ILDR1: variants seen among roughly 807,000 people sequenced by gnomAD.
ILDR1 encodes the protein immunoglobulin-like domain-containing receptor 1.
In ILDR1, 56 loss-of-function variants were observed where a neutral mutation model predicts 62.4. The ratio of observed to expected loss-of-function variants is 0.90; its 90% CI spans 0.72 to 1.12. ILDR1 has a LOEUF of 1.12. ILDR1 is among the 50% of genes most tolerant of loss of function. The probability of loss-of-function intolerance (pLI) is 0.00; values close to 1 mark genes in which losing one functional copy is unlikely to be tolerated. For synonymous variants in ILDR1, 284 were observed against 277.8 expected (o/e 1.02, Z -0.22); for missense variants, 736 against 710.6 (o/e 1.04, Z -0.41).
At chr3:122,018,341 TGAG>T (rs2071805954) in intron 1 of ILDR1, among the ~76,000 whole-genome samples, 1 of 127,154 alleles carries the variant, frequency 7.9e-6, no homozygotes, top group Non-Finnish European at 1.5e-5. Flanking sequence ...AGTTGAATAA[TGAG>T]AACACATGGA....
At chr3:122,002,593 T>TTA (rs768824584) in intron 3 of ILDR1, among the ~76,000 whole-genome samples, 7 of 152,248 alleles carry the variant, frequency 4.6e-5, no homozygotes, top group Non-Finnish European at 8.8e-5. Flanking sequence ...GATGAATGGT[T>TTA]TATATATATA....
chr3:122,035,554 C>T, the ILDR1 span, among the ~76,000 whole-genome samples: 1 of 152,150 alleles, frequency 6.6e-6, no homozygotes, highest in African/African-American at 2.4e-5. Flanking sequence ...CAGATTTCCT[C>T]CTTGCTATTC....
At chr3:122,038,693 A>T in the ILDR1 span, among the ~76,000 whole-genome samples, 1 of 152,360 alleles carries the variant, frequency 6.6e-6, no homozygotes, top group South Asian at 2.1e-4. Context: ...ATTAACTGAC[A>T]TGGAATTTAA....
the ILDR1 span, among the ~76,000 whole-genome samples, chr3:122,055,682 C>A: frequency 4.6e-5 from 7 of 152,160 alleles, no homozygotes; most frequent in Non-Finnish European, 1.0e-4. Flanking sequence ...ATGCCCAAAG[C>A]AGTTCATTGG....
intron 1 of ILDR1, 50 bp downstream of exon 1, chr3:122,021,970 G>A: frequency 1.3e-6 from 2 of 1,552,128 alleles, no homozygotes; most frequent in Non-Finnish European, 1.8e-6. Context: ...CGCCACAATG[G>A]CTTCCTGTCT....
At chr3:122,041,431 A>T in the ILDR1 span, among the ~76,000 whole-genome samples, 6 of 152,202 alleles carry the variant, frequency 3.9e-5, no homozygotes, top group Admixed American at 3.9e-4. Context: ...AAAGATGCTG[A>T]CAACTTGTTA....
the ILDR1 span, among the ~76,000 whole-genome samples, chr3:122,030,619 G>GTTTTTT: frequency 1.5e-5 from 2 of 131,990 alleles, no homozygotes; most frequent in Admixed American, 7.3e-5. Flanking sequence ...AGAGGCAAGG[G>GTTTTTT]TTTTTCTCTC....
chr3:122,031,880 C>G, the ILDR1 span, among the ~76,000 whole-genome samples: 1 of 152,212 alleles, frequency 6.6e-6, no homozygotes, highest in Non-Finnish European at 1.5e-5. Flanking sequence ...ACATTACACA[C>G]TGGCTACTTT....
the ILDR1 span, among the ~76,000 whole-genome samples, chr3:122,048,147 T>C: frequency 1.3e-5 from 2 of 152,228 alleles, no homozygotes; most frequent in African/African-American, 4.8e-5. Context: ...TCCTAGTTTG[T>C]TGAGGGTTTT....
the ILDR1 span, among the ~76,000 whole-genome samples, chr3:122,041,894 C>T: frequency 6.1e-5 from 9 of 148,272 alleles, no homozygotes; most frequent in Admixed American, 2.0e-4. Context: ...AATTTGAATG[C>T]CCTTTATTTC....
intron 7 of ILDR1, among the ~76,000 whole-genome samples, chr3:121,990,880 G>C (rs769261227): frequency 6.6e-6 from 1 of 152,176 alleles, no homozygotes. Flanking sequence ...CCTCTCAGAG[G>C]CTCCCATAGT....
At chr3:122,049,519 A>C in the ILDR1 span, among the ~76,000 whole-genome samples, 173 of 152,276 alleles carry the variant, frequency 1.1e-3, no homozygotes, top group African/African-American at 4.0e-3. Flanking sequence ...TTCTCCCTTC[A>C]GTTCTGCCAA....
chr3:122,005,485 A>C, intron 2 of ILDR1, 92 bp from the exon 3 acceptor site: 1 of 1,384,782 alleles, frequency 7.2e-7, no homozygotes. Flanking sequence ...AGACACAGTG[A>C]AGTGTCTCAA....
At chr3:122,015,562 A>G (rs1321153353) in intron 1 of ILDR1, among the ~76,000 whole-genome samples, 1 of 152,134 alleles carries the variant, frequency 6.6e-6, no homozygotes, top group Admixed American at 6.5e-5. Flanking sequence ...GTGGTTTTAT[A>G]AGGAGCTTCC....
the ILDR1 span, among the ~76,000 whole-genome samples, chr3:122,028,335 CAAAA>C: frequency 0.044 from 4,166 of 95,444 alleles, 98 homozygotes; most frequent in African/African-American, 0.11. Flanking sequence ...GACTCCATCT[CAAAA>C]AAAAAAAAAA....
At chr3:122,054,757 C>T in the ILDR1 span, among the ~76,000 whole-genome samples, 1 of 152,014 alleles carries the variant, frequency 6.6e-6, no homozygotes, top group Non-Finnish European at 1.5e-5. Context: ...TTGATTAATT[C>T]TATGTTTGTC....
chr3:121,996,567 A>G (rs997087134), intron 5 of ILDR1, among the ~76,000 whole-genome samples: 1 of 152,216 alleles, frequency 6.6e-6, no homozygotes, highest in Non-Finnish European at 1.5e-5. Flanking sequence ...GATAGGCAAT[A>G]AAAGTAGGAA....
intron 7 of ILDR1, among the ~76,000 whole-genome samples, chr3:121,992,291 C>T (rs1038562199): frequency 6.6e-6 from 1 of 152,178 alleles, no homozygotes; most frequent in Admixed American, 6.5e-5. Flanking sequence ...CACCCGCCAC[C>T]ACACCCAGCT....
intron 1 of ILDR1, among the ~76,000 whole-genome samples, chr3:122,011,527 T>C (rs2071700958): frequency 6.6e-6 from 1 of 152,052 alleles, no homozygotes; most frequent in Non-Finnish European, 1.5e-5. Flanking sequence ...TATCAAGCCT[T>C]GATATCTGCC....
Sources: allele counts gnomAD v4.1 joint callset (sites outside exome capture counted in the v4.1 genomes callset), GRCh38; gene constraint gnomAD v4.1.1; transcripts MANE v1.5; gene names NCBI Gene and HGNC (gene_info 2026-07-23, HGNC 2026-07-21).